The following RPS6KC1 variants were observed in gnomAD, a reference collection of about 807,000 sequenced individuals.
The protein encoded by RPS6KC1 is inactive ribosomal protein S6 kinase delta-1.
In RPS6KC1, 54 loss-of-function variants were observed where a neutral mutation model predicts 103.8. That is an observed-to-expected ratio of 0.52 (90% CI 0.42 to 0.65). The LOEUF is 0.65. RPS6KC1 is among the 30% of genes least tolerant of loss of function. RPS6KC1 has a pLI of 0.00. For missense variants in RPS6KC1, 1,151 were observed against 1,253.8 expected, an observed-to-expected ratio of 0.92 and a Z score of 1.24; for synonymous variants, 439 against 438.7, an observed-to-expected ratio of 1.00 and a Z score of -0.01.
chr1:213,457,191 G>C, the RPS6KC1 span, among the ~76,000 whole-genome samples: 1 of 152,198 alleles, frequency 6.6e-6, no homozygotes, highest in South Asian at 2.1e-4. Context: ...TGATGTGATT[G>C]TTCTGTTCTT....
the RPS6KC1 span, among the ~76,000 whole-genome samples, chr1:213,380,570 C>T: frequency 1.1e-4 from 17 of 152,058 alleles, no homozygotes; most frequent in African/African-American, 3.4e-4. Context: ...GACACACGCA[C>T]GGTAACTATG....
the RPS6KC1 span, among the ~76,000 whole-genome samples, chr1:213,342,653 A>G: frequency 2.6e-5 from 4 of 152,122 alleles, no homozygotes; most frequent in African/African-American, 9.6e-5. Flanking sequence ...TTTTCATGCT[A>G]TCAGAAGAAA....
At chr1:213,697,215 C>T in the RPS6KC1 span, among the ~76,000 whole-genome samples, 1 of 152,182 alleles carries the variant, frequency 6.6e-6, no homozygotes. Flanking sequence ...CCTCCAGGAA[C>T]CTCCGTGTGT....
At chr1:213,694,978 A>G in the RPS6KC1 span, among the ~76,000 whole-genome samples, 3 of 152,046 alleles carry the variant, frequency 2.0e-5, no homozygotes, top group Non-Finnish European at 4.4e-5. Context: ...AGGCACAGAG[A>G]TTGTTGGGGA....
At chr1:213,427,256 C>T in the RPS6KC1 span, among the ~76,000 whole-genome samples, 1 of 152,164 alleles carries the variant, frequency 6.6e-6, no homozygotes, top group East Asian at 1.9e-4. Context: ...ATATGTATCT[C>T]TTTGTGTTTT....
At chr1:213,686,303 G>A in the RPS6KC1 span, among the ~76,000 whole-genome samples, 2 of 152,132 alleles carry the variant, frequency 1.3e-5, no homozygotes, top group Non-Finnish European at 2.9e-5. Flanking sequence ...GCTCCTTGTT[G>A]GTTCCAGCTG....
rs372834454 is a variant in RPS6KC1 at position 213,129,637 on chromosome 1, C to T, written c.583C>T (p.Leu195Phe). The T allele has an allele frequency of 7.4e-6, 12 of 1,614,036 alleles. No individual in the cohort carries two copies. Among genetic ancestry groups the T allele is most frequent in the South Asian group, 3.3e-5 (3 of 91,084 alleles). The change falls in exon 6 of 15, where the codon CTC becomes TTC. Residue 195 changes from leucine (L) to phenylalanine (F), a missense_variant. By Grantham distance (22) the Leu-to-Phe change is conservative (BLOSUM62 0). Around this residue, in one of 3 missense-constraint regions of RPS6KC1, gnomAD observed 959 missense variants for 1,006.3 expected, o/e 0.95. Coordinates refer to ENST00000366960, the MANE Select transcript of RPS6KC1 (RefSeq NM_012424.6). ...AAATTCTCCCATTAGAACTTTTGGT[C>T]TCAATCTTTCTTCGGATTCTTCAGC... ...NQNSPIRTFGLNLSSDSSALG... is the reference protein window; with the variant it reads ...NQNSPIRTFGFNLSSDSSALG...
At chr1:213,333,240 T>C in the RPS6KC1 span, among the ~76,000 whole-genome samples, 1 of 152,250 alleles carries the variant, frequency 6.6e-6, no homozygotes, top group Non-Finnish European at 1.5e-5. Flanking sequence ...TCTTGTACGT[T>C]CCTTGTCCTT....
chr1:213,628,932 A>G, the RPS6KC1 span, among the ~76,000 whole-genome samples: 1 of 152,182 alleles, frequency 6.6e-6, no homozygotes, highest in Non-Finnish European at 1.5e-5. Context: ...GTTTGATTGC[A>G]CTGTGGTCTA....
chr1:213,213,111 C>T (rs1418891991), intron 8 of RPS6KC1, among the ~76,000 whole-genome samples: 3 of 152,172 alleles, frequency 2.0e-5, no homozygotes, highest in Non-Finnish European at 4.4e-5. Context: ...CGAGTGGGTT[C>T]TGCCTTTGAT....
At chr1:213,506,133 C>T in the RPS6KC1 span, among the ~76,000 whole-genome samples, 6 of 152,116 alleles carry the variant, frequency 3.9e-5, no homozygotes, top group African/African-American at 1.4e-4. Flanking sequence ...AAGATGGTGC[C>T]ATGCTTGATG....
the RPS6KC1 span, among the ~76,000 whole-genome samples, chr1:213,469,401 TA>T: frequency 6.6e-6 from 1 of 152,230 alleles, no homozygotes; most frequent in Non-Finnish European, 1.5e-5. Context: ...TTTTGTCTCA[TA>T]TATATGCCTA....
At chr1:213,176,247 A>G (rs2091858418) in intron 7 of RPS6KC1, among the ~76,000 whole-genome samples, 153 bp from the exon 8 acceptor site, 1 of 151,806 alleles carries the variant, frequency 6.6e-6, no homozygotes, top group South Asian at 2.1e-4. Flanking sequence ...TAAAAATTTT[A>G]TATTACAGAC....
the RPS6KC1 span, among the ~76,000 whole-genome samples, chr1:213,583,178 C>G: frequency 6.6e-6 from 1 of 152,170 alleles, no homozygotes; most frequent in African/African-American, 2.4e-5. Flanking sequence ...GACTTTGGGT[C>G]ATTTCCAGTC....
chr1:213,424,645 G>A, the RPS6KC1 span, among the ~76,000 whole-genome samples: 1 of 152,252 alleles, frequency 6.6e-6, no homozygotes, highest in African/African-American at 2.4e-5. Flanking sequence ...TGCTCTCCTG[G>A]CTGGAATACC....
chr1:213,556,214 G>C, the RPS6KC1 span, among the ~76,000 whole-genome samples: 2 of 152,130 alleles, frequency 1.3e-5, no homozygotes, highest in African/African-American at 2.4e-5. Context: ...CATTCTGCTT[G>C]CCATGCCCTG....
the RPS6KC1 span, among the ~76,000 whole-genome samples, chr1:213,567,845 A>G: frequency 6.6e-6 from 1 of 152,208 alleles, no homozygotes; most frequent in Admixed American, 6.5e-5. Context: ...TTGTCTTGCA[A>G]GGCTAGAGAA....
chr1:213,649,229 C>T, the RPS6KC1 span, among the ~76,000 whole-genome samples: 15 of 148,562 alleles, frequency 1.0e-4, no homozygotes, highest in East Asian at 3.0e-3. Flanking sequence ...TTCTCCTATA[C>T]AGCCTATGAG....
chr1:213,296,796 G>T, the RPS6KC1 span, among the ~76,000 whole-genome samples: 2 of 152,316 alleles, frequency 1.3e-5, no homozygotes, highest in South Asian at 4.1e-4. Flanking sequence ...TATCAAAAGG[G>T]ATCAGGCAGA....
Sources: gnomAD v4.1 joint callset for allele counts (sites outside exome capture counted in the v4.1 genomes callset) on GRCh38, gnomAD v4.1.1 for gene constraint, gnomAD v4.1.1 regional missense constraint, MANE v1.5 for transcripts, NCBI Gene and HGNC (gene_info 2026-07-23, HGNC 2026-07-21) for gene names.